SLC25A40: variants seen among roughly 807,000 people sequenced by gnomAD.
SLC25A40 encodes the protein mitochondrial glutathione transporter SLC25A40.
A neutral mutation model predicts 46.5 loss-of-function variants in SLC25A40; 41 were observed. The observed-to-expected ratio is 0.88, with a 90% CI of 0.69 to 1.14. The LOEUF (loss-of-function observed/expected upper bound fraction) is 1.14. Ranked by LOEUF, SLC25A40 falls within the 50% of genes most tolerant of loss-of-function variation. The pLI is 0.00. For synonymous variants in SLC25A40, 126 were observed against 127.5 expected, an observed-to-expected ratio of 0.99 and a Z score of 0.08; for missense variants, 386 against 393.6, an observed-to-expected ratio of 0.98 and a Z score of 0.16.
chr7:87,840,433 G>C (rs1051378586), intron 10 of SLC25A40, among the ~76,000 whole-genome samples: 1 of 151,730 alleles, frequency 6.6e-6, no homozygotes. Flanking sequence ...ACTTTAGTGT[G>C]CATTAGAATC....
At chr7:87,860,261 G>A (rs940809793) in intron 2 of SLC25A40, 1 of 152,076 alleles carries the variant, frequency 6.6e-6, no homozygotes, top group Admixed American at 6.6e-5. Flanking sequence ...CAGAAAGCTT[G>A]GATCAATCTA....
intron 8 of SLC25A40, chr7:87,844,086 T>C: frequency 1.5e-6 from 1 of 683,456 alleles, no homozygotes; most frequent in East Asian, 1.3e-4. Flanking sequence ...ATCAATAAAG[T>C]AGGACTATAA....
intron 4 of SLC25A40, among the ~76,000 whole-genome samples, chr7:87,856,018 T>C (rs1275408061): frequency 1.3e-5 from 2 of 152,154 alleles, no homozygotes; most frequent in African/African-American, 2.4e-5. Flanking sequence ...CTAAGGTCCC[T>C]CACAAATATA....
At chr7:87,865,573 C>A (rs944746772) in intron 1 of SLC25A40, among the ~76,000 whole-genome samples, 1 of 152,144 alleles carries the variant, frequency 6.6e-6, no homozygotes, top group African/African-American at 2.4e-5. Context: ...AAGTTTGAGA[C>A]CTGCCTGGCC....
At chr7:87,844,363 C>G (rs1370214019) in intron 8 of SLC25A40, among the ~76,000 whole-genome samples, 1 of 152,040 alleles carries the variant, frequency 6.6e-6, no homozygotes, top group Non-Finnish European at 1.5e-5. Context: ...AAACGCAACA[C>G]TCCTTCATTT....
At chr7:87,851,497 G>A (rs921512569) in intron 5 of SLC25A40, among the ~76,000 whole-genome samples, 4 of 152,072 alleles carry the variant, frequency 2.6e-5, no homozygotes, top group Non-Finnish European at 5.9e-5. Flanking sequence ...CTGACAGAAG[G>A]TCAATAAGGA....
intron 8 of SLC25A40, 141 bp from the exon 9 acceptor site, chr7:87,844,004 G>T: frequency 7.6e-7 from 1 of 1,308,080 alleles, no homozygotes; most frequent in Non-Finnish European, 9.7e-7. Context: ...CACCCACTAG[G>T]GTGGGATTTC....
At chr7:87,875,844 C>G (rs751708488) in intron 1 of SLC25A40, among the ~76,000 whole-genome samples, 1 of 152,198 alleles carries the variant, frequency 6.6e-6, no homozygotes, top group Non-Finnish European at 1.5e-5. Flanking sequence ...CTCCCTCAGA[C>G]GCCCCCCGGG....
chr7:87,835,939 G>A lies in SLC25A40; in HGVS notation c.*310C>T. The stretch of plus-strand genomic sequence containing the variant: ...TTCTGGTGTATTCAACACACTCCCA[G>A]TAAGATTATGTTACACTGAAACATA... On this transcript the variant is annotated 3_prime_UTR_variant, in exon 12 of 12. Transcript: ENST00000341119. 1 of 221,320 alleles carries A rather than the reference G, an allele frequency of 4.5e-6. No individual in the cohort carries two copies. The highest frequency in any genetic ancestry group is 8.8e-6 in the Non-Finnish European group (1 of 113,646). 13.7% of individuals were successfully genotyped at this position (221,320 alleles called of 1,614,324 possible). A position where few individuals can be genotyped will look rare whatever the true frequency, so the allele number is the denominator to read the frequency against.
intron 8 of SLC25A40, among the ~76,000 whole-genome samples, chr7:87,844,609 C>T (rs1838384315): frequency 6.6e-6 from 1 of 151,620 alleles, no homozygotes; most frequent in Non-Finnish European, 1.5e-5. Flanking sequence ...TAAAACAGTT[C>T]AATTTACATA....
At chr7:87,838,478 A>G (rs530666097) in intron 10 of SLC25A40, among the ~76,000 whole-genome samples, 1 of 151,656 alleles carries the variant, frequency 6.6e-6, no homozygotes, top group East Asian at 1.9e-4. Context: ...TAATAAGCAA[A>G]TTCTTACATT....
At chr7:87,858,528 T>G in intron 3 of SLC25A40, 103 bp downstream of exon 3, 2 of 698,964 alleles carry the variant, frequency 2.9e-6, no homozygotes, top group East Asian at 2.7e-5. Flanking sequence ...CCAATACTTA[T>G]GGAAAATAGA....
intron 1 of SLC25A40, among the ~76,000 whole-genome samples, chr7:87,872,056 T>A (rs1838903467): frequency 6.6e-6 from 1 of 152,198 alleles, no homozygotes; most frequent in Non-Finnish European, 1.5e-5. Context: ...AATGAAGAAA[T>A]ATTACCATTT....
chr7:87,840,490 C>T (rs1838316031), intron 10 of SLC25A40, among the ~76,000 whole-genome samples: 1 of 151,790 alleles, frequency 6.6e-6, no homozygotes, highest in Non-Finnish European at 1.5e-5. Context: ...ACCATGACCA[C>T]CACTACCTCA....
At chr7:87,864,435 CTTAT>C (rs1393841677) in intron 1 of SLC25A40, among the ~76,000 whole-genome samples, 2 of 152,240 alleles carry the variant, frequency 1.3e-5, no homozygotes, top group Middle Eastern at 3.4e-3. Context: ...AAAACGTGGT[CTTAT>C]TTATTTTACC....
intron 10 of SLC25A40, among the ~76,000 whole-genome samples, chr7:87,841,170 T>G (rs1329640234): frequency 2.7e-5 from 4 of 149,080 alleles, no homozygotes; most frequent in African/African-American, 4.9e-5. Context: ...TATATATATA[T>G]ATATATACAT....
chr7:87,834,488 C>A lies in SLC25A40; in HGVS notation c.*1761G>T, dbSNP rs529598103. ...ATTGCATGTATATGTGTTAAAAAAA[C>A]GACTAGGCAATTAGATTTACTTATC... On this transcript the variant is annotated 3_prime_UTR_variant, in exon 12 of 12. Coordinates refer to ENST00000341119, the MANE Select transcript of SLC25A40 (RefSeq NM_018843.4). The A allele has an allele frequency of 1.9e-4, 29 of 151,492 alleles. No individual in the cohort carries two copies. The highest frequency in any genetic ancestry group is 4.4e-5 in the Non-Finnish European group (3 of 67,658). The allele number at this position is 151,492 out of a possible 1,614,324, so 9.4% of individuals were successfully genotyped here. A position where few individuals can be genotyped will look rare whatever the true frequency, so the allele number is the denominator to read the frequency against.
rs1355122829 is a variant in SLC25A40, at chr7:87,846,971, A to G, written c.609T>C (p.Val203=). The stretch of plus-strand genomic sequence containing the variant: ...TACCTGAGAAAGGTACATCTCTAAG[A>G]ACAGTAGGAGCCCAGCCCCTCCAAA... ...ISLWRGWAPT[V]LRDVPFSAMY... Residue 203 remains valine (V), a synonymous_variant, in exon 8 of 12, where the codon GTT becomes GTC. Transcript: ENST00000341119. 6.2e-7 allele frequency: 1 copy of G among 1,612,290 alleles called. No individual in the cohort carries two copies. The highest frequency in any genetic ancestry group is 1.7e-5 in the Admixed American group (1 of 59,628).
In SLC25A40 at chr7:87,845,290, C is replaced by T. The variant is rs560079463; in HGVS notation, c.632-1427G>A. Reference sequence around the variant, plus strand: ...TATTCAATAGATCAGGGGTCCACGACCCCAGGGCTGAGGATTGGTACTGGT... The same window carrying T: ...TATTCAATAGATCAGGGGTCCACGATCCCAGGGCTGAGGATTGGTACTGGT... On this transcript the variant is annotated intron_variant, in intron 8 of 11. Transcript: ENST00000341119. Among the ~76,000 whole-genome samples the T allele has an allele frequency of 1.1e-4, 16 of 152,230 alleles. 1 individual carries two copies. The highest frequency in any genetic ancestry group is 9.2e-4 in the Admixed American group (14 of 15,280).
Sources: gnomAD v4.1 joint callset for allele counts (sites outside exome capture counted in the v4.1 genomes callset) on GRCh38, gnomAD v4.1.1 for gene constraint, MANE v1.5 for transcripts, NCBI Gene and HGNC (gene_info 2026-07-23, HGNC 2026-07-21) for gene names.